Variants in NRXN3 observed in about 807,000 individuals in gnomAD.
NRXN3 encodes the protein neurexin III.
In NRXN3, 32 loss-of-function variants were observed where a neutral mutation model predicts 137.6. That is an observed-to-expected ratio of 0.23 (90% CI 0.18 to 0.31). The LOEUF (loss-of-function observed/expected upper bound fraction) is 0.31. Ranked by LOEUF, NRXN3 falls within the 10% of genes least tolerant of loss-of-function variation. The pLI is 1.00. For missense variants in NRXN3, 1,574 were observed against 2,062.5 expected, an observed-to-expected ratio of 0.76 and a Z score of 4.59; for synonymous variants, 798 against 784.5, an observed-to-expected ratio of 1.02 and a Z score of -0.29.
intron 4 of NRXN3, among the ~76,000 whole-genome samples, chr14:78,553,995 G>T (rs533658465): frequency 6.6e-6 from 1 of 152,304 alleles, no homozygotes; most frequent in South Asian, 2.1e-4. Context: ...GGCAGAGAGA[G>T]AAGAGTGTGT....
At chr14:79,677,251 TAGG>T (rs2098645833) in intron 17 of NRXN3, among the ~76,000 whole-genome samples, 1 of 151,848 alleles carries the variant, frequency 6.6e-6, no homozygotes, top group Non-Finnish European at 1.5e-5. Flanking sequence ...AAATGATAAA[TAGG>T]AGGAAGATTT....
At chr14:79,381,539 C>T (rs1409871697) in intron 15 of NRXN3, among the ~76,000 whole-genome samples, 4 of 152,076 alleles carry the variant, frequency 2.6e-5, no homozygotes, top group South Asian at 2.1e-4. Flanking sequence ...CGATGAACCC[C>T]GGCTGTTCTC....
At chr14:78,416,168 A>G (rs990890877) in intron 4 of NRXN3, among the ~76,000 whole-genome samples, 4 of 152,192 alleles carry the variant, frequency 2.6e-5, no homozygotes, top group Non-Finnish European at 4.4e-5. Context: ...TTTGAAGACT[A>G]TCTCTCTTGG....
chr14:78,254,407 A>C (rs1170481695), intron 2 of NRXN3, among the ~76,000 whole-genome samples: 2 of 152,164 alleles, frequency 1.3e-5, no homozygotes, highest in East Asian at 3.9e-4. Context: ...GGGGCTGGGG[A>C]CGGTGGCTCA....
At chr14:78,774,696 T>C (rs979971939) in intron 8 of NRXN3, among the ~76,000 whole-genome samples, 7 of 152,172 alleles carry the variant, frequency 4.6e-5, no homozygotes, top group Non-Finnish European at 2.9e-5. Flanking sequence ...GGCAGGCAGA[T>C]CGCTTGAGGC....
intron 16 of NRXN3, among the ~76,000 whole-genome samples, chr14:79,610,470 A>C (rs1262119655): frequency 6.6e-6 from 1 of 152,218 alleles, no homozygotes; most frequent in African/African-American, 2.4e-5. Context: ...AAAGGAAGAC[A>C]AGAGAGAAAC....
At chr14:78,676,760 G>A (rs1370971097) in intron 6 of NRXN3, among the ~76,000 whole-genome samples, 1 of 152,124 alleles carries the variant, frequency 6.6e-6, no homozygotes, top group Non-Finnish European at 1.5e-5. Context: ...TGGCTTTAGA[G>A]GACAGGCTAA....
At chr14:78,965,119 C>T (rs2099414946) in intron 11 of NRXN3, among the ~76,000 whole-genome samples, 2 of 152,240 alleles carry the variant, frequency 1.3e-5, no homozygotes, top group South Asian at 4.1e-4. Context: ...TCTTCTTACC[C>T]CTCCAGCAGT....
intron 4 of NRXN3, among the ~76,000 whole-genome samples, chr14:78,603,352 A>G (rs1166039660): frequency 2.6e-5 from 4 of 152,136 alleles, no homozygotes; most frequent in Non-Finnish European, 4.4e-5. Context: ...AGAGCCCTTT[A>G]ACTGAAATCC....
At chr14:78,254,096 G>A (rs1051587308) in intron 2 of NRXN3, among the ~76,000 whole-genome samples, 1 of 152,202 alleles carries the variant, frequency 6.6e-6, no homozygotes, top group African/African-American at 2.4e-5. Context: ...GGTGCTAGCA[G>A]TACACATACC....
intron 15 of NRXN3, among the ~76,000 whole-genome samples, chr14:79,176,850 G>A (rs1462184441): frequency 6.6e-6 from 1 of 152,148 alleles, no homozygotes; most frequent in African/African-American, 2.4e-5. Context: ...TCAGAAAGAT[G>A]GAGTTCTCTC....
intron 15 of NRXN3, among the ~76,000 whole-genome samples, chr14:79,016,780 C>T (rs1181821663): frequency 1.3e-5 from 2 of 152,188 alleles, no homozygotes; most frequent in African/African-American, 4.8e-5. Context: ...TTCTTACTCG[C>T]CAAGCTCTCC....
At chr14:78,942,007 G>C (rs2099353976) in intron 10 of NRXN3, among the ~76,000 whole-genome samples, 1 of 152,176 alleles carries the variant, frequency 6.6e-6, no homozygotes, top group South Asian at 2.1e-4. Context: ...AGAGAGAACT[G>C]TGAGATTGTG....
chr14:79,117,319 A>G (rs1568336672), intron 15 of NRXN3, among the ~76,000 whole-genome samples: 1 of 152,248 alleles, frequency 6.6e-6, no homozygotes, highest in Non-Finnish European at 1.5e-5. Context: ...GGAAGGACTC[A>G]GATGGAAATA....
intron 4 of NRXN3, among the ~76,000 whole-genome samples, chr14:78,366,006 G>C (rs2085883122): frequency 6.6e-6 from 1 of 152,152 alleles, no homozygotes; most frequent in African/African-American, 2.4e-5. Flanking sequence ...TTATATACTG[G>C]TTTTGATAGT....
chr14:79,507,151 A>G (rs1447375721), intron 16 of NRXN3, among the ~76,000 whole-genome samples: 1 of 152,206 alleles, frequency 6.6e-6, no homozygotes, highest in African/African-American at 2.4e-5. Flanking sequence ...TCGTTCCTAT[A>G]GTCCTGGACT....
At chr14:79,273,871 C>A (rs1051946211) in intron 15 of NRXN3, among the ~76,000 whole-genome samples, 6 of 151,590 alleles carry the variant, frequency 4.0e-5, no homozygotes, top group African/African-American at 1.2e-4. Flanking sequence ...CCGAGGTGGG[C>A]AGATCACGAG....
chr14:79,197,417 T>C (rs1485336394), intron 15 of NRXN3, among the ~76,000 whole-genome samples: 1 of 152,194 alleles, frequency 6.6e-6, no homozygotes, highest in African/African-American at 2.4e-5. Flanking sequence ...TGGTTCTCAG[T>C]TGCTGCTTAC....
At chr14:78,958,888 T>C (rs927099664) in intron 11 of NRXN3, among the ~76,000 whole-genome samples, 44 of 152,232 alleles carry the variant, frequency 2.9e-4, no homozygotes, top group African/African-American at 7.0e-4. Context: ...CCATGGTTTC[T>C]TCTGTGAATA....
Sources: allele counts gnomAD v4.1 joint callset (sites outside exome capture counted in the v4.1 genomes callset), GRCh38; gene constraint gnomAD v4.1.1; transcripts MANE v1.5; gene names NCBI Gene and HGNC (gene_info 2026-07-23, HGNC 2026-07-21).